PDE4D: variants seen among roughly 807,000 people sequenced by gnomAD.
PDE4D encodes 3',5'-cyclic-AMP phosphodiesterase 4D.
PDE4D carries 24 observed loss-of-function variants against 87.4 expected under a neutral mutation model. The observed-to-expected ratio is 0.27, with a 90% CI of 0.20 to 0.39. PDE4D has a LOEUF of 0.39. Among genes scored for constraint, PDE4D ranks in the 10% least tolerant of loss-of-function variants. PDE4D has a pLI of 1.00. For missense variants in PDE4D, 714 were observed against 1,041.0 expected (o/e 0.69, Z 4.32); for synonymous variants, 384 against 383.2 (o/e 1.00, Z -0.02).
intron 2 of PDE4D, among the ~76,000 whole-genome samples, chr5:60,051,724 CT>C: frequency 6.6e-6 from 1 of 151,714 alleles, no homozygotes; most frequent in African/African-American, 2.4e-5. Context: ...ATGAAAAACC[CT>C]TCAAAAAATC....
At chr5:59,892,445 A>G (rs1330546498) in intron 1 of PDE4D, among the ~76,000 whole-genome samples, 6 of 152,050 alleles carry the variant, frequency 3.9e-5, no homozygotes, top group Non-Finnish European at 5.9e-5. Context: ...CCTACACACA[A>G]GCTCGCACAC....
chr5:60,092,543 T>C (rs1306247539), intron 2 of PDE4D, among the ~76,000 whole-genome samples: 2 of 151,624 alleles, frequency 1.3e-5, no homozygotes, highest in African/African-American at 4.8e-5. Context: ...AAATATCACA[T>C]GTACCCTGTA....
At chr5:59,508,267 C>G (rs866200448) in intron 1 of PDE4D, among the ~76,000 whole-genome samples, 4 of 152,118 alleles carry the variant, frequency 2.6e-5, no homozygotes, top group Admixed American at 6.5e-5. Flanking sequence ...ATGCTACAAT[C>G]TTTCATGCAG....
intron 1 of PDE4D, among the ~76,000 whole-genome samples, chr5:59,322,364 GAC>G (rs1166970295): frequency 1.3e-5 from 2 of 152,100 alleles, no homozygotes; most frequent in African/African-American, 4.8e-5. Context: ...CATGAAATGA[GAC>G]AGTCCTGAAG....
chr5:59,622,156 T>C (rs555705608), intron 1 of PDE4D, among the ~76,000 whole-genome samples: 129 of 152,192 alleles, frequency 8.5e-4, no homozygotes, highest in Non-Finnish European at 1.5e-3. Context: ...TTCTTTCCGC[T>C]ACACTATTTT....
chr5:59,178,150 G>T (rs925432091), intron 5 of PDE4D, among the ~76,000 whole-genome samples: 1 of 151,996 alleles, frequency 6.6e-6, no homozygotes, highest in South Asian at 2.1e-4. Flanking sequence ...GGTTTTAAGG[G>T]CCCACTTTTT....
intron 1 of PDE4D, among the ~76,000 whole-genome samples, chr5:60,295,192 T>C (rs1399819542): frequency 6.6e-6 from 1 of 152,240 alleles, no homozygotes; most frequent in African/African-American, 2.4e-5. Context: ...TAAATTTGTA[T>C]TGACTGAGAT....
rs370278204 is a variant in PDE4D, at chr5:59,106,735, G to C, written c.809-67764C>G. ...AGATCGCGCCATTGCACTCCAGCCT[G>C]GGGTACAAGAATGAAACTCCATCTC... On this transcript the variant is annotated intron_variant, in intron 5 of 14. Transcript: ENST00000340635. Among the ~76,000 whole-genome samples the C allele has an allele frequency of 2.4e-4, 37 of 152,306 alleles. No homozygotes were observed. The East Asian group carries it at 5.4e-3, about 22-fold the overall frequency.
At chr5:58,993,243 C>A in intron 7 of PDE4D, 129 bp downstream of exon 7, 1 of 535,206 alleles carries the variant, frequency 1.9e-6, no homozygotes. Context: ...ATTAATATGA[C>A]GAATGAAAAC....
intron 5 of PDE4D, among the ~76,000 whole-genome samples, chr5:59,137,857 C>T (rs189288294): frequency 1.3e-5 from 2 of 152,300 alleles, no homozygotes; most frequent in Admixed American, 6.5e-5. Flanking sequence ...GAGAAAAACG[C>T]CAACCCTGAG....
chr5:59,483,517 C>T (rs1376132412), intron 1 of PDE4D, among the ~76,000 whole-genome samples: 5 of 151,976 alleles, frequency 3.3e-5, no homozygotes, highest in Admixed American at 3.3e-4. Flanking sequence ...CTCTTTTTTT[C>T]TTACAATTTT....
At chr5:59,931,694 C>CTTTTTTTTTTTTTTTTTTTTTTT (rs35943138) in intron 3 of PDE4D, among the ~76,000 whole-genome samples, 3 of 126,596 alleles carry the variant, frequency 2.4e-5, no homozygotes, top group Non-Finnish European at 3.2e-5. Context: ...TCTTCTTCTT[C>CTTTTTTTTTTTTTTTTTTTTTTT]TTTTTTTTTT....
At chr5:60,340,376 A>T (rs1758204949) in intron 1 of PDE4D, among the ~76,000 whole-genome samples, 2 of 151,976 alleles carry the variant, frequency 1.3e-5, no homozygotes, top group Non-Finnish European at 2.9e-5. Context: ...TTCTCATCCC[A>T]TTTAAACACA....
chr5:60,117,236 A>T (rs1001032297), intron 2 of PDE4D, among the ~76,000 whole-genome samples: 4 of 152,028 alleles, frequency 2.6e-5, no homozygotes, highest in African/African-American at 7.2e-5. Flanking sequence ...CAACAGCCAT[A>T]TTGATCTGTC....
intron 1 of PDE4D, among the ~76,000 whole-genome samples, chr5:59,706,893 A>G (rs1487419232): frequency 6.6e-6 from 1 of 152,186 alleles, no homozygotes; most frequent in Non-Finnish European, 1.5e-5. Context: ...TATCCACATC[A>G]GTGATGCTCA....
intron 1 of PDE4D, among the ~76,000 whole-genome samples, chr5:60,384,585 T>C (rs139005531): frequency 6.6e-6 from 1 of 152,262 alleles, no homozygotes; most frequent in African/African-American, 2.4e-5. Flanking sequence ...ACGACATCAC[T>C]CCCCTGGCCC....
chr5:59,196,108 T>C (rs1319400513), intron 2 of PDE4D, among the ~76,000 whole-genome samples: 1 of 152,068 alleles, frequency 6.6e-6, no homozygotes, highest in African/African-American at 2.4e-5. Flanking sequence ...AAAAAAGATA[T>C]GAAAATTTCA....
At chr5:60,128,149 A>T in intron 2 of PDE4D, among the ~76,000 whole-genome samples, 1 of 152,202 alleles carries the variant, frequency 6.6e-6, no homozygotes, top group East Asian at 1.9e-4. Context: ...GATTGGGATA[A>T]CTTATCCAAA....
chr5:59,719,093 G>T (rs1755451127), intron 1 of PDE4D, among the ~76,000 whole-genome samples: 1 of 151,876 alleles, frequency 6.6e-6, no homozygotes, highest in Non-Finnish European at 1.5e-5. Context: ...CACTAAAGGG[G>T]TGAACTTTTG....
Sources: allele counts gnomAD v4.1 joint callset (sites outside exome capture counted in the v4.1 genomes callset), GRCh38; gene constraint gnomAD v4.1.1; transcripts MANE v1.5; gene names NCBI Gene and HGNC (gene_info 2026-07-23, HGNC 2026-07-21).